Variants in SLCO6A1 observed in about 807,000 individuals in gnomAD.
The protein encoded by SLCO6A1 is solute carrier organic anion transporter family member 6A1.
In SLCO6A1, 65 loss-of-function variants were observed where a neutral mutation model predicts 72.7. The observed-to-expected ratio is 0.89, with a 90% CI of 0.73 to 1.10. SLCO6A1 has a LOEUF of 1.10. SLCO6A1 is among the 50% of genes least tolerant of loss of function. SLCO6A1 has a pLI of 0.00. For missense variants in SLCO6A1, 874 were observed against 872.6 expected, an observed-to-expected ratio of 1.00 and a Z score of -0.02; for synonymous variants, 314 against 298.2, an observed-to-expected ratio of 1.05 and a Z score of -0.55.
intron 8 of SLCO6A1, among the ~76,000 whole-genome samples, chr5:102,418,071 T>C (rs1172197510): frequency 1.3e-5 from 2 of 152,118 alleles, no homozygotes; most frequent in Non-Finnish European, 2.9e-5. Flanking sequence ...TGGGTTGATA[T>C]AAAATTAAAG....
chr5:102,490,188 G>C (rs1216672015), intron 1 of SLCO6A1, among the ~76,000 whole-genome samples: 6 of 152,134 alleles, frequency 3.9e-5, no homozygotes, highest in African/African-American at 1.4e-4. Flanking sequence ...AGGGTGACTA[G>C]AGTCACCCTA....
chr5:102,384,743 A>C (rs528634901), intron 12 of SLCO6A1, among the ~76,000 whole-genome samples: 1 of 152,212 alleles, frequency 6.6e-6, no homozygotes, highest in African/African-American at 2.4e-5. Context: ...AATCATCACT[A>C]TTATAGTAAT....
intron 6 of SLCO6A1, among the ~76,000 whole-genome samples, chr5:102,446,275 C>T (rs1308902426): frequency 3.9e-5 from 6 of 152,154 alleles, no homozygotes; most frequent in South Asian, 2.1e-4. Flanking sequence ...TCTCCTTGTA[C>T]GGATCTTTGA....
intron 12 of SLCO6A1, among the ~76,000 whole-genome samples, chr5:102,384,826 T>C (rs1746316931): frequency 6.6e-6 from 1 of 152,090 alleles, no homozygotes; most frequent in African/African-American, 2.4e-5. Flanking sequence ...CTTTCATATG[T>C]TTTCATGTGG....
In SLCO6A1 at chr5:102,399,728, A is replaced by T. The variant is rs757521268; in HGVS notation, c.1641T>A (p.Cys547Ter). The T allele has an allele frequency of 6.3e-7, 1 of 1,576,702 alleles. No homozygotes were observed. Among genetic ancestry groups the T allele is most frequent in the Admixed American group, 1.7e-5 (1 of 58,100 alleles). Residue 547 changes from cysteine (C) to a stop codon, truncating the protein, a stop_gained, in exon 10 of 14, where the codon TGT (cysteine) becomes TGA (stop). Transcript: ENST00000506729. LOFTEE classifies it high-confidence loss of function. ...TTATTAATCCTTCTTTAATGCAAGA[A>T]CAATTGTAGTACATCTGTGAGTATT... ...AQNQKKMYYN[C>*]SCIKEGLITA... is the part of the protein sequence containing the mutation.
rs777949917 is a variant in SLCO6A1 at position 102,399,723 on chromosome 5, C to T, written c.1646G>A (p.Cys549Tyr). The T allele has an allele frequency of 8.3e-6, 13 of 1,574,088 alleles. No homozygotes were observed. Among genetic ancestry groups the T allele is most frequent in the Non-Finnish European group, 1.7e-6 (2 of 1,156,292 alleles). ...TGCAGTTATTAATCCTTCTTTAATGCAAGAACAATTGTAGTACATCTGTGA... is the reference window on the plus strand; with the variant it reads ...TGCAGTTATTAATCCTTCTTTAATGTAAGAACAATTGTAGTACATCTGTGA... Reference protein sequence around the residue: ...NQKKMYYNCSCIKEGLITADA... With the variant: ...NQKKMYYNCSYIKEGLITADA... Residue 549 changes from cysteine to tyrosine, a missense_variant, in exon 10 of 14, where the codon TGC becomes TAC. Physicochemically the swap from Cys to Tyr is radical, Grantham distance 194. Coordinates refer to ENST00000506729, the MANE Select transcript of SLCO6A1 (RefSeq NM_173488.5).
rs562466360 is a variant in SLCO6A1, at chr5:102,405,934, T to C, written c.1627-6192A>G. ...ACATATATGGTGAGTTTTATACCTA[T>C]ATGGTGAGTTTTATATTACACTATG... is the stretch of plus-strand genomic sequence containing the variant. On this transcript the variant is annotated intron_variant, in intron 9 of 13. Coordinates refer to ENST00000506729, the MANE Select transcript of SLCO6A1 (RefSeq NM_173488.5). Among the ~76,000 whole-genome samples the C allele has an allele frequency of 5.3e-5, 8 of 152,200 alleles. No individual in the cohort carries two copies. In the East Asian group the frequency reaches 1.3e-3, roughly 26 times the overall value.
intron 1 of SLCO6A1, among the ~76,000 whole-genome samples, chr5:102,490,877 G>A (rs1315678153): frequency 6.6e-6 from 1 of 152,150 alleles, no homozygotes; most frequent in Non-Finnish European, 1.5e-5. Context: ...ACTGCAGAGA[G>A]CGAAAGAACA....
rs539095401 is a variant in SLCO6A1 at position 102,438,707 on chromosome 5, A to G, written c.1186T>C (p.Tyr396His). The change falls in exon 7 of 14, where the codon TAT becomes CAT. Residue 396 changes from tyrosine (Y) to histidine (H), a missense_variant. Coordinates refer to ENST00000506729, the MANE Select transcript of SLCO6A1 (RefSeq NM_173488.5). ...TCAGAAGCTCCAATAATAACTAAAT[A>G]TTCTGTAGCTTTTGACAGAGCTAGG... Reference protein sequence around the residue: ...ICLALSKATEYLVIIGASEFL... With the variant: ...ICLALSKATEHLVIIGASEFL... The G allele has an allele frequency of 6.3e-7, 1 of 1,597,780 alleles. No individual in the cohort carries two copies. The highest frequency in any genetic ancestry group is 8.5e-7 in the Non-Finnish European group (1 of 1,173,386).
At chr5:102,399,833 C>T (rs553790026) in intron 9 of SLCO6A1, 91 bp from the exon 10 acceptor site, 16 of 814,182 alleles carry the variant, frequency 2.0e-5, no homozygotes, top group Non-Finnish European at 2.9e-5. Flanking sequence ...TCAATAACTG[C>T]AAGGAGACTC....
intron 6 of SLCO6A1, among the ~76,000 whole-genome samples, chr5:102,446,708 C>T (rs1023375755): frequency 8.6e-5 from 13 of 151,982 alleles, no homozygotes; most frequent in Admixed American, 5.9e-4. Flanking sequence ...TAATAGATGA[C>T]TCTTATTTTG....
At chr5:102,396,185 T>G (rs1427419031) in intron 10 of SLCO6A1, among the ~76,000 whole-genome samples, 1 of 152,122 alleles carries the variant, frequency 6.6e-6, no homozygotes, top group Non-Finnish European at 1.5e-5. Context: ...GTCTAACATT[T>G]AAGTGTTTAA....
chr5:102,438,960 A>G (rs1188985036), intron 6 of SLCO6A1, among the ~76,000 whole-genome samples, 199 bp from the exon 7 acceptor site: 1 of 152,014 alleles, frequency 6.6e-6, no homozygotes, highest in Non-Finnish European at 1.5e-5. Flanking sequence ...TCACCAATAT[A>G]CAAATTCTAT....
At chr5:102,435,399 G>C (rs1749473231) in intron 7 of SLCO6A1, among the ~76,000 whole-genome samples, 1 of 151,978 alleles carries the variant, frequency 6.6e-6, no homozygotes, top group African/African-American at 2.4e-5. Flanking sequence ...TTAAACTCCA[G>C]AAGTGATAAT....
intron 7 of SLCO6A1, 107 bp from the exon 8 acceptor site, chr5:102,420,128 A>T (rs1353025551): frequency 1.2e-5 from 11 of 935,202 alleles, no homozygotes; most frequent in Non-Finnish European, 1.7e-5. Context: ...GCAAACATGT[A>T]TTTAAACTAA....
At chr5:102,481,161 C>T (rs957715766) in intron 1 of SLCO6A1, among the ~76,000 whole-genome samples, 2 of 152,152 alleles carry the variant, frequency 1.3e-5, no homozygotes, top group African/African-American at 4.8e-5. Context: ...ATCTATGCAA[C>T]CAAAGTTACT....
At chr5:102,490,593 A>G (rs1423227339) in intron 1 of SLCO6A1, among the ~76,000 whole-genome samples, 2 of 152,174 alleles carry the variant, frequency 1.3e-5, no homozygotes, top group African/African-American at 4.8e-5. Context: ...ACAGTTCTTA[A>G]AGGCGGCATG....
chr5:102,383,635 G>A (rs1182176611), intron 12 of SLCO6A1, among the ~76,000 whole-genome samples: 2 of 151,640 alleles, frequency 1.3e-5, no homozygotes, highest in African/African-American at 4.8e-5. Flanking sequence ...GTGTTCATCA[G>A]GGATATTGGC....
At chr5:102,441,333 C>CAATT (rs576585506) in intron 6 of SLCO6A1, among the ~76,000 whole-genome samples, 55 of 152,196 alleles carry the variant, frequency 3.6e-4, no homozygotes, top group South Asian at 6.2e-4. Flanking sequence ...ATCTACTGAA[C>CAATT]AATTATCTTT....
Sources: allele counts gnomAD v4.1 joint callset (sites outside exome capture counted in the v4.1 genomes callset), GRCh38; gene constraint gnomAD v4.1.1; transcripts MANE v1.5; gene names NCBI Gene and HGNC (gene_info 2026-07-23, HGNC 2026-07-21).